ZNF540: variants seen among roughly 807,000 people sequenced by gnomAD.
ZNF540 encodes the protein zinc finger protein 540, also known as CTD-3064H18.6.
In ZNF540, 3 loss-of-function variants were observed where a neutral mutation model predicts 11.8. The observed-to-expected ratio is 0.25, with a 90% CI of 0.12 to 0.65. The LOEUF (loss-of-function observed/expected upper bound fraction) is 0.65. Ranked by LOEUF, ZNF540 falls within the 30% of genes least tolerant of loss-of-function variation. The pLI, the probability that ZNF540 is intolerant of heterozygous loss-of-function variation, is 0.83. For synonymous variants in ZNF540, 247 were observed against 259.0 expected (o/e 0.95, Z 0.45); for missense variants, 709 against 793.1 (o/e 0.89, Z 1.27).
rs199648999 is a variant in ZNF540 at position 37,565,818 on chromosome 19, A to G, written c.-73+14153A>G. ...TGAATGAGATCAGAAGTACGACCAA[A>G]GGCCTTTCCACATTCCATACACTCA... On this transcript the variant is annotated intron_variant, in intron 1 of 4. Transcript: ENST00000592533. 1.2e-6 allele frequency: 2 copies of G among 1,613,644 alleles called. No homozygotes were observed. Among genetic ancestry groups the G allele is most frequent in the African/African-American group, 2.7e-5 (2 of 74,870 alleles).
chr19:37,594,763 G>C (rs2043969595), upstream of ZNF540: 2 of 152,172 alleles, frequency 1.3e-5, no homozygotes, highest in African/African-American at 4.8e-5. Flanking sequence ...GACAAGCTCC[G>C]TGCGTCAAGA....
chr19:37,608,129 T>A (rs1464550592), intron 4 of ZNF540, among the ~76,000 whole-genome samples: 1 of 152,238 alleles, frequency 6.6e-6, no homozygotes, highest in Non-Finnish European at 1.5e-5. Flanking sequence ...TATTGCTTCT[T>A]TTCCTTTCTC....
At chr19:37,565,439 G>A in intron 1 of ZNF540, 1 of 1,612,998 alleles carries the variant, frequency 6.2e-7, no homozygotes. Context: ...CTTTTCACCA[G>A]TATGAACTCT....
In ZNF540 at chr19:37,611,743, C is replaced by T. The variant is rs775636191; in HGVS notation, c.463C>T (p.Arg155Cys). 39 of 1,613,816 alleles carry T rather than the reference C, an allele frequency of 2.4e-5. No individual in the cohort carries two copies. The highest frequency in any genetic ancestry group is 8.3e-5 in the Admixed American group (5 of 59,996). The part of the protein sequence containing the change: ...VSKKMSTDRK[R>C]PSFTLNQRIH... ...TAAAAAAATGTCAACTGATAGAAAA[C>T]GTCCCTCTTTTACTCTGAATCAGAG... The change falls in exon 5 of 5, where the codon CGT (arginine) becomes TGT (cysteine). Residue 155 changes from arginine to cysteine, a missense_variant. By Grantham distance (180) the Arg-to-Cys change is radical (BLOSUM62 -3). Coordinates refer to ENST00000316433, the MANE Select transcript of ZNF540 (RefSeq NM_001172225.3).
At chr19:37,564,251 G>A (rs2042770059) in intron 1 of ZNF540, 1 of 168,462 alleles carries the variant, frequency 5.9e-6, no homozygotes, top group Non-Finnish European at 1.3e-5. Context: ...ACAAATATCA[G>A]ATGCTATCGA....
At chr19:37,567,161 T>A (rs537947635) in intron 1 of ZNF540, among the ~76,000 whole-genome samples, 1 of 152,338 alleles carries the variant, frequency 6.6e-6, no homozygotes, top group Non-Finnish European at 1.5e-5. Context: ...GTACCTATAT[T>A]GCATTTTTCA....
upstream of ZNF540, among the ~76,000 whole-genome samples, chr19:37,593,908 C>T (rs1057236995): frequency 6.6e-6 from 1 of 151,894 alleles, no homozygotes. Context: ...GAAAACGTTT[C>T]GGAAAGGAAG....
At chr19:37,586,702 T>C in intron 1 of ZNF540, 1 of 1,614,104 alleles carries the variant, frequency 6.2e-7, no homozygotes, top group Non-Finnish European at 8.5e-7. Context: ...ATCAATTTTC[T>C]GGGTTCTTCT....
At position 37,564,989 on chromosome 19, in the gene ZNF540, C is replaced by A. The variant is rs145299773; in HGVS notation, c.-73+13324C>A. The stretch of plus-strand genomic sequence containing the variant: ...TTGTGTAGCACGTACAAAGGTCTTC[C>A]CACATTCCTTACATTCATAATGTTT... On this transcript the variant is annotated intron_variant, in intron 1 of 4. Transcript: ENST00000592533. 55 of 1,613,744 alleles carry A rather than the reference C, an allele frequency of 3.4e-5. No homozygotes were observed. In the African/African-American group the frequency reaches 6.3e-4, roughly 18 times the overall value.
intron 1 of ZNF540, chr19:37,565,184 C>G: frequency 1.2e-6 from 2 of 1,613,488 alleles, no homozygotes; most frequent in African/African-American, 1.3e-5. Context: ...GGGCTTCTCT[C>G]CGGTATGAAT....
chr19:37,564,231 C>T (rs186971027), intron 1 of ZNF540: 2 of 161,132 alleles, frequency 1.2e-5, no homozygotes, highest in Admixed American at 1.3e-4. Context: ...TAATGGCAAT[C>T]ATTTTAACAA....
Position 37,572,713 on chromosome 19 carries a change from A to G in ZNF540, c.-73+21048A>G, listed in dbSNP as rs564124135. On this transcript the variant is annotated intron_variant, in intron 1 of 4. Coordinates refer to the ZNF540 transcript ENST00000592533. ...TTCTGAACTTTTAAAGGTTAGAAGT[A>G]ATCTGTTGGCCTTAGGAGCCAAAAA... Among the ~76,000 whole-genome samples, 11 of 152,348 alleles carry G rather than the reference A, an allele frequency of 7.2e-5. No individual in the cohort carries two copies. In the East Asian group the frequency reaches 2.1e-3, roughly 29 times the overall value.
intron 2 of ZNF540, among the ~76,000 whole-genome samples, 177 bp from the exon 3 acceptor site, chr19:37,599,449 G>A (rs935353528): frequency 6.6e-6 from 1 of 152,132 alleles, no homozygotes; most frequent in Non-Finnish European, 1.5e-5. Context: ...AAGAAAATGA[G>A]GTGACTCTGC....
intron 1 of ZNF540, among the ~76,000 whole-genome samples, chr19:37,571,639 T>C (rs1007573761): frequency 1.3e-5 from 2 of 152,254 alleles, no homozygotes; most frequent in Admixed American, 1.3e-4. Context: ...ACATTCAGTA[T>C]GCTCCTTGAC....
upstream of ZNF540, among the ~76,000 whole-genome samples, chr19:37,593,783 G>A (rs2043936839): frequency 6.6e-6 from 1 of 152,104 alleles, no homozygotes; most frequent in Admixed American, 6.5e-5. Context: ...GGTGTAGTGT[G>A]GCTGGGGAGT....
chr19:37,581,820 G>T (rs1183397574), intron 1 of ZNF540, among the ~76,000 whole-genome samples: 1 of 151,520 alleles, frequency 6.6e-6, no homozygotes, highest in Non-Finnish European at 1.5e-5. Flanking sequence ...AACCTCTCCT[G>T]ATTCTGTGGT....
chr19:37,594,964 C>A lies in ZNF540; in HGVS notation c.-204C>A, dbSNP rs1329305063. The A allele has an allele frequency of 6.6e-6, 1 of 152,138 alleles. No homozygotes were observed. The highest frequency in any genetic ancestry group is 1.5e-5 in the Non-Finnish European group (1 of 68,048). The allele number at this position is 152,138 out of a possible 1,614,324, so 9.4% of individuals were successfully genotyped here. ...GGGACTTACCCTACTATGGTCCGAGCCTACCCTATTTCATTATACTCAAGT... is the reference window on the plus strand; with the variant it reads ...GGGACTTACCCTACTATGGTCCGAGACTACCCTATTTCATTATACTCAAGT... On this transcript the variant is annotated 5_prime_UTR_variant, in exon 1 of 5. Transcript: ENST00000316433.
At chr19:37,605,608 A>G (rs2044079252) in intron 4 of ZNF540, among the ~76,000 whole-genome samples, 1 of 152,178 alleles carries the variant, frequency 6.6e-6, no homozygotes, top group Non-Finnish European at 1.5e-5. Context: ...AGATCACGCC[A>G]CTGCACTCCA....
At chr19:37,598,886 C>T (rs1437703977) in intron 2 of ZNF540, among the ~76,000 whole-genome samples, 1 of 152,108 alleles carries the variant, frequency 6.6e-6, no homozygotes, top group East Asian at 1.9e-4. Flanking sequence ...GGGGATCTTT[C>T]CTGAGAATCT....
Sources: gnomAD v4.1 joint callset for allele counts (sites outside exome capture counted in the v4.1 genomes callset) on GRCh38, gnomAD v4.1.1 for gene constraint, MANE v1.5 for transcripts, NCBI Gene and HGNC (gene_info 2026-07-23, HGNC 2026-07-21) for gene names.